SYNM: variants seen among roughly 807,000 people sequenced by gnomAD.
The protein encoded by SYNM is desmuslin.
In SYNM, 95 loss-of-function variants were observed where a neutral mutation model predicts 104.0. That is an observed-to-expected ratio of 0.91 (90% CI 0.77 to 1.08). The LOEUF is 1.08. Among genes scored for constraint, SYNM ranks in the 50% least tolerant of loss-of-function variants. The pLI, the probability that SYNM is intolerant of heterozygous loss-of-function variation, is 0.00. For synonymous variants in SYNM, 918 were observed against 869.0 expected, an observed-to-expected ratio of 1.06 and a Z score of -0.99; for missense variants, 2,150 against 2,052.2, an observed-to-expected ratio of 1.05 and a Z score of -0.92.
chr15:99,140,069 G>T (rs782569956), downstream of SYNM: 4 of 207,286 alleles, frequency 1.9e-5, no homozygotes, highest in Non-Finnish European at 3.0e-5. Flanking sequence ...GAATGCCAAA[G>T]ACCCTTTTAT....
intron 2 of SYNM, among the ~76,000 whole-genome samples, chr15:99,118,813 G>A (rs755770838): frequency 8.5e-5 from 13 of 152,190 alleles, no homozygotes; most frequent in Non-Finnish European, 1.6e-4. Context: ...CTGGCAGCTC[G>A]CCTGGCAGGT....
In SYNM at chr15:99,130,545, A is replaced by G. The variant is rs782567463; in HGVS notation, c.2185A>G (p.Ile729Val). Reference protein sequence around the residue: ...GKSAEQMIGDIINLGLKGREG... With the variant: ...GKSAEQMIGDVINLGLKGREG... ...GTCAGCCGAGCAGATGATAGGAGACATCATCAACCTCGGCCTGAAAGGGAG... is the reference window on the plus strand; with the variant it reads ...GTCAGCCGAGCAGATGATAGGAGACGTCATCAACCTCGGCCTGAAAGGGAG... The change falls in exon 4 of 4, where the codon ATC becomes GTC. Residue 729 changes from isoleucine to valine, a missense_variant. Ile to Val is a conservative substitution (Grantham distance 29). Transcript: ENST00000336292. 6 of 1,613,828 alleles carry G rather than the reference A, an allele frequency of 3.7e-6. No homozygotes were observed. The African/African-American group carries it at 5.3e-5, about 14-fold the overall frequency.
rs782241238 is a variant in SYNM, at chr15:99,132,526, CAG to C, written c.4167_4168del (p.Ala1391ArgfsTer7). On this transcript the variant is annotated frameshift_variant, in exon 4 of 4. Coordinates refer to ENST00000336292, the MANE Select transcript of SYNM (RefSeq NM_145728.3). LOFTEE classifies it high-confidence loss of function. ...CAGGAGGATAGTGCAGAGGACACAT[CAG>C]GGGCAGAAATGACATCGGGTGTTAG... 1.5e-5 allele frequency: 24 copies of C among 1,613,922 alleles called. No homozygotes were observed. Among genetic ancestry groups the C allele is most frequent in the South Asian group, 4.4e-5 (4 of 91,092 alleles).
chr15:99,140,535 A>C (rs1354090353), downstream of SYNM: 1 of 152,070 alleles, frequency 6.6e-6, no homozygotes, highest in Non-Finnish European at 1.5e-5. Flanking sequence ...ACACTCAGCT[A>C]ATTTTTGCAT....
In SYNM at chr15:99,105,107, A is replaced by T; in HGVS notation, c.-93A>T. ...TCTGCGGGCCTCCGGGGCAGCGGCG[A>T]GGCCGGAGCGTCGCGGCGGAGAGGA... On this transcript the variant is annotated 5_prime_UTR_variant, in exon 1 of 4. Transcript: ENST00000336292. 1 of 1,408,018 alleles carries T rather than the reference A, an allele frequency of 7.1e-7. No individual in the cohort carries two copies. The highest frequency in any genetic ancestry group is 9.5e-7 in the Non-Finnish European group (1 of 1,051,954). The allele number at this position is 1,408,018 out of a possible 1,614,324, so 87.2% of individuals were successfully genotyped here. A position where few individuals can be genotyped will look rare whatever the true frequency, so the allele number is the denominator to read the frequency against.
chr15:99,112,025 G>A (rs901367563), intron 1 of SYNM, among the ~76,000 whole-genome samples: 25 of 152,362 alleles, frequency 1.6e-4, no homozygotes, highest in Admixed American at 1.4e-3. Flanking sequence ...CTCCAGCCTC[G>A]GTGACAGAGC....
At chr15:99,140,036 G>A (rs535861192), downstream of SYNM, 22 of 234,872 alleles carry the variant, frequency 9.4e-5, no homozygotes, top group South Asian at 1.2e-3. Flanking sequence ...ATGAGGTGGA[G>A]AGGTGGAGGA....
At chr15:99,140,167 G>C (rs2151828069), downstream of SYNM, 1 of 160,336 alleles carries the variant, frequency 6.2e-6, no homozygotes, top group East Asian at 1.8e-4. Context: ...CCCAAGCCTT[G>C]ACAGATGACA....
At chr15:99,137,954 C>G (rs782340219), downstream of SYNM, 2 of 1,608,166 alleles carry the variant, frequency 1.2e-6, no homozygotes, top group Middle Eastern at 1.7e-4. Context: ...GTGATTTGTA[C>G]AGCACCCTAA....
At position 99,123,550 on chromosome 15, in the gene SYNM, G is replaced by A. The variant is rs546267424; in HGVS notation, c.936-3172G>A. The stretch of plus-strand genomic sequence containing the variant: ...CCGGTGACTGACCAGCCACGGGCCC[G>A]CATCTGGGGTGACCCAGGCAGTGCG... On this transcript the variant is annotated intron_variant, in intron 2 of 3. Transcript: ENST00000336292. 2.0e-5 allele frequency among the ~76,000 whole-genome samples: 3 copies of A among 152,264 alleles called. No individual in the cohort carries two copies. In the East Asian group the frequency reaches 5.8e-4, roughly 29 times the overall value.
intron 1 of SYNM, among the ~76,000 whole-genome samples, chr15:99,109,726 A>T (rs2067283728): frequency 6.6e-6 from 1 of 152,206 alleles, no homozygotes. Flanking sequence ...TCATGGTTGC[A>T]GATTCAGCAG....
rs1555482746 is a variant in SYNM at position 99,105,991 on chromosome 15, A to C, written c.792A>C (p.Ile264=). ...TGCGGATGCGCGAGGAGTACGGGAT[A>C]CAGGCCGAGGAGCGGCAGGTCCGTG... ...ALLRMREEYG[I]QAEERQRVID... The change falls in exon 1 of 4, where the codon ATA becomes ATC. Residue 264 remains isoleucine, a synonymous_variant. Transcript: ENST00000336292. 2.0e-6 allele frequency: 3 copies of C among 1,488,382 alleles called. No homozygotes were observed. The highest frequency in any genetic ancestry group is 2.9e-5 in the African/African-American group (2 of 69,392). The allele number at this position is 1,488,382 out of a possible 1,614,324, so 92.2% of individuals were successfully genotyped here.
chr15:99,126,966 A>T (rs1188504829), intron 3 of SYNM, among the ~76,000 whole-genome samples, 174 bp downstream of exon 3: 1 of 152,210 alleles, frequency 6.6e-6, no homozygotes, highest in African/African-American at 2.4e-5. Context: ...ACATAATTTC[A>T]ATTATGTGAA....
chr15:99,132,204 CCA>C lies in SYNM; in HGVS notation c.3846_3847del (p.Leu1283PhefsTer55), dbSNP rs1555486076. On this transcript the variant is annotated frameshift_variant, in exon 4 of 4. Transcript: ENST00000336292. LOFTEE classifies it high-confidence loss of function. ...GFSGQIQFTA[P>X]LSDKVELGVI... ...CAGTGGGCAAATCCAGTTCACAGCT[CCA>C]CTTTCAGACAAGGTGGAGTTGGGTG... 8 of 1,613,020 alleles carry C rather than the reference CCA, an allele frequency of 5.0e-6. No individual in the cohort carries two copies. Among genetic ancestry groups the C allele is most frequent in the Middle Eastern group, 1.6e-4 (1 of 6,084 alleles).
chr15:99,123,334 C>G (rs1361301948), intron 2 of SYNM, among the ~76,000 whole-genome samples: 10 of 148,876 alleles, frequency 6.7e-5, no homozygotes, highest in African/African-American at 2.2e-4. Context: ...TAGTATTGAC[C>G]TAGAGATGGC....
Position 99,105,562 on chromosome 15 carries a change from G to A in SYNM, c.363G>A (p.Gln121=). The A allele has an allele frequency of 1.7e-6, 2 of 1,176,526 alleles. No homozygotes were observed. Among genetic ancestry groups the A allele is most frequent in the Non-Finnish European group, 2.1e-6 (2 of 955,564 alleles). 72.9% of individuals were successfully genotyped at this position (1,176,526 alleles called of 1,614,324 possible). A position where few individuals can be genotyped will look rare whatever the true frequency, so the allele number is the denominator to read the frequency against. The change falls in exon 1 of 4, where the codon CAG becomes CAA. Residue 121 remains glutamine (Q), a synonymous_variant. Transcript: ENST00000336292. ...TGGGTGCGCAGCAGCGCGAGCTGCA[G>A]GAGGCGCTGGGCGCGCGCGCCGCCC... ...AELGAQQREL[Q]EALGARAALE... is the part of the protein sequence containing the mutation.
chr15:99,131,674 T>G lies in SYNM; in HGVS notation c.3314T>G (p.Val1105Gly), dbSNP rs1596137363. 1 of 1,612,474 alleles carries G rather than the reference T, an allele frequency of 6.2e-7. No homozygotes were observed. The highest frequency in any genetic ancestry group is 8.5e-7 in the Non-Finnish European group (1 of 1,179,658). ...PQGPVSATVE[V>G]SSPTGFAQSQ... ...GGCCCAGTGTCGGCCACTGTGGAGG[T>G]CAGCAGCCCCACAGGCTTTGCCCAG... Residue 1105 changes from valine to glycine, a missense_variant, in exon 4 of 4, where the codon GTC becomes GGC. Coordinates refer to ENST00000336292, the MANE Select transcript of SYNM (RefSeq NM_145728.3). This position sits in a 1 kb window ranked among gnomAD's most constrained non-coding sequence, Gnocchi z 4.3.
At position 99,132,163 on chromosome 15, in the gene SYNM, G is replaced by A; in HGVS notation, c.3803G>A (p.Gly1268Asp). The change falls in exon 4 of 4, where the codon GGC (glycine) becomes GAC (aspartate). Residue 1268 changes from glycine to aspartate, a missense_variant. By Grantham distance (94) the Gly-to-Asp change is moderately conservative. Coordinates refer to ENST00000336292, the MANE Select transcript of SYNM (RefSeq NM_145728.3). ...TQTSVRQLQL[G>D]PKEGFSGQIQ... is the part of the protein sequence containing the mutation. ...ACTTCTGTCAGGCAACTCCAGTTAG[G>A]CCCTAAAGAAGGGTTCAGTGGGCAA... is the stretch of plus-strand genomic sequence containing the variant. 1 of 1,613,952 alleles carries A rather than the reference G, an allele frequency of 6.2e-7. No individual in the cohort carries two copies. Among genetic ancestry groups the A allele is most frequent in the Non-Finnish European group, 8.5e-7 (1 of 1,179,834 alleles).
At position 99,131,536 on chromosome 15, in the gene SYNM, CG is replaced by C; in HGVS notation, c.3178del (p.Ala1060LeufsTer61). ...SPDEEGGAEA[P>X]AAGIRFRRWA... Reference sequence around the variant, plus strand: ...GATGAGGAAGGTGGAGCGGAGGCCCCGGCTGCTGGCATTCGCTTTAGGCGTT... The same window carrying C: ...GATGAGGAAGGTGGAGCGGAGGCCCCGCTGCTGGCATTCGCTTTAGGCGTT... On this transcript the variant is annotated frameshift_variant, in exon 4 of 4. Transcript: ENST00000336292. LOFTEE classifies it high-confidence loss of function. The surrounding 1 kb of genome is among the most constrained non-coding windows in gnomAD (Gnocchi z 4.3). The C allele has an allele frequency of 6.2e-7, 1 of 1,607,914 alleles. No individual in the cohort carries two copies. The highest frequency in any genetic ancestry group is 1.6e-4 in the Middle Eastern group (1 of 6,062).
Sources: allele counts gnomAD v4.1 joint callset (sites outside exome capture counted in the v4.1 genomes callset), GRCh38; gene constraint gnomAD v4.1.1; non-coding constraint Gnocchi (gnomAD v3.1); transcripts MANE v1.5; gene names NCBI Gene and HGNC (gene_info 2026-07-23, HGNC 2026-07-21).